The following CASZ1 variants were observed in gnomAD, a reference collection of about 807,000 sequenced individuals.
CASZ1 encodes zinc finger protein castor homolog 1.
A neutral mutation model predicts 135.2 loss-of-function variants in CASZ1; 28 were observed. The ratio of observed to expected loss-of-function variants is 0.21; its 90% CI spans 0.15 to 0.28. The LOEUF is 0.28. Ranked by LOEUF, CASZ1 falls within the 10% of genes least tolerant of loss-of-function variation. CASZ1 has a pLI of 1.00. For synonymous variants in CASZ1, 1,068 were observed against 1,073.4 expected (o/e 0.99, Z 0.10); for missense variants, 2,161 against 2,453.3 (o/e 0.88, Z 2.52).
At position 10,660,489 on chromosome 1, in the gene CASZ1, A is replaced by G; in HGVS notation, c.553T>C (p.Phe185Leu). 1.2e-6 allele frequency: 2 copies of G among 1,613,918 alleles called. No individual in the cohort carries two copies. Among genetic ancestry groups the G allele is most frequent in the Middle Eastern group, 1.6e-4 (1 of 6,062 alleles). Residue 185 changes from phenylalanine to leucine, a missense_variant, in exon 6 of 21, where the codon TTC becomes CTC. Physicochemically the swap from Phe to Leu is conservative, Grantham distance 22 (BLOSUM62 0). This residue lies in a region of CASZ1 where 590 missense variants were observed against 609.8 expected (regional missense o/e 0.97). Transcript: ENST00000377022. ...RDYAASTMTEFLGMFGYDDQN... is the reference protein window; with the variant it reads ...RDYAASTMTELLGMFGYDDQN... ...TCATCATAGCCAAACATGCCGAGGA[A>G]CTCGGTCATGGTGGAGGCCGCGTAG...
At chr1:10,715,006 G>T (rs1359595443) in intron 2 of CASZ1, among the ~76,000 whole-genome samples, 3 of 152,192 alleles carry the variant, frequency 2.0e-5, no homozygotes, top group Non-Finnish European at 4.4e-5. Flanking sequence ...GCCTAACCTT[G>T]GTCCAGGTTC....
At chr1:10,651,930 A>G (rs1026859124) in intron 11 of CASZ1, 1 of 152,210 alleles carries the variant, frequency 6.6e-6, no homozygotes, top group Non-Finnish European at 1.5e-5. Flanking sequence ...CACCGAGCCC[A>G]CGTGGCCCTG....
chr1:10,695,213 C>G (rs1638902982), intron 3 of CASZ1, among the ~76,000 whole-genome samples: 1 of 151,738 alleles, frequency 6.6e-6, no homozygotes, highest in African/African-American at 2.4e-5. Context: ...CCGCGCGCCC[C>G]CGCACCCCGC....
At chr1:10,737,637 G>T (rs1639825990) in intron 2 of CASZ1, among the ~76,000 whole-genome samples, 1 of 152,232 alleles carries the variant, frequency 6.6e-6, no homozygotes, top group South Asian at 2.1e-4. Flanking sequence ...GTAAGGGTTG[G>T]GGTCTGTGGG....
chr1:10,678,555 C>G (rs1326882782), intron 4 of CASZ1, among the ~76,000 whole-genome samples: 1 of 152,192 alleles, frequency 6.6e-6, no homozygotes, highest in Non-Finnish European at 1.5e-5. Context: ...CCCAGCTCCC[C>G]CACCCGTTCA....
chr1:10,644,431 C>T (rs1340122879), intron 18 of CASZ1, among the ~76,000 whole-genome samples: 2 of 152,228 alleles, frequency 1.3e-5, no homozygotes, highest in African/African-American at 4.8e-5. Flanking sequence ...CCACCCCCAC[C>T]CCTGTGACAG....
At chr1:10,673,961 G>A (rs763065527) in intron 4 of CASZ1, among the ~76,000 whole-genome samples, 1 of 152,242 alleles carries the variant, frequency 6.6e-6, no homozygotes, top group Non-Finnish European at 1.5e-5. Context: ...GCAAGTGCAG[G>A]CCTCTGTCAT....
chr1:10,716,775 G>A lies in CASZ1; in HGVS notation c.-76-11231C>T, dbSNP rs570132934. Among the ~76,000 whole-genome samples, 3 of 152,334 alleles carry A rather than the reference G, an allele frequency of 2.0e-5. No individual in the cohort carries two copies. In the South Asian group the frequency reaches 6.2e-4, roughly 32 times the overall value. ...GAATGCCACTAGTAGGCAGGGCCAGGCCACCTCCCTGGGCTGAGACCCGGC... is the reference window on the plus strand; with the variant it reads ...GAATGCCACTAGTAGGCAGGGCCAGACCACCTCCCTGGGCTGAGACCCGGC... On this transcript the variant is annotated intron_variant, in intron 2 of 20. Coordinates refer to ENST00000377022, the MANE Select transcript of CASZ1 (RefSeq NM_001079843.3).
Position 10,736,629 on chromosome 1 carries a change from C to T in CASZ1, c.-77+24072G>A, listed in dbSNP as rs151035991. Among the ~76,000 whole-genome samples the T allele has an allele frequency of 4.1e-4, 62 of 152,354 alleles. 1 individual carries two copies. Among genetic ancestry groups the T allele is most frequent in the African/African-American group, 1.3e-3 (56 of 41,584 alleles). On this transcript the variant is annotated intron_variant, in intron 2 of 20. Transcript: ENST00000377022. ...AAACACACAGGGCAGAGCGGAGATT[C>T]AAACCCAACTCTGAGTTCTCATTCA...
At position 10,773,636 on chromosome 1, in the gene CASZ1, G is replaced by A. The variant is rs1043590941; in HGVS notation, c.-233-12779C>T. Among the ~76,000 whole-genome samples, 7 of 152,126 alleles carry A rather than the reference G, an allele frequency of 4.6e-5. No individual in the cohort carries two copies. The South Asian group carries it at 1.0e-3, about 23-fold the overall frequency. On this transcript the variant is annotated intron_variant, in intron 1 of 20. Transcript: ENST00000377022. ...TTCTAGCTTCTCAGCATACTTGGCC[G>A]GGGGAACGCATGGACCAGGCAACGG...
rs554669546 is a variant in CASZ1 at position 10,794,170 on chromosome 1, T to C, written c.-234+2394A>G. Among the ~76,000 whole-genome samples the C allele has an allele frequency of 5.5e-5, 8 of 146,412 alleles. No individual in the cohort carries two copies. In the East Asian group the frequency reaches 6.8e-4, roughly 12 times the overall value. On this transcript the variant is annotated intron_variant, in intron 1 of 20. Coordinates refer to ENST00000377022, the MANE Select transcript of CASZ1 (RefSeq NM_001079843.3). The surrounding 1 kb of genome is among the most constrained non-coding windows in gnomAD (Gnocchi z 5.6). ...GCGCGTGTGTGTGCGTGTTTGTATGTGTATGCGTGTGTGTGTGTGTGTGTG... is the reference window on the plus strand; with the variant it reads ...GCGCGTGTGTGTGCGTGTTTGTATGCGTATGCGTGTGTGTGTGTGTGTGTG...
Position 10,637,458 on chromosome 1 carries a change from C to A in CASZ1, c.*1484G>T. On this transcript the variant is annotated 3_prime_UTR_variant, in exon 21 of 21. Coordinates refer to ENST00000377022, the MANE Select transcript of CASZ1 (RefSeq NM_001079843.3). Reference sequence around the variant, plus strand: ...AAAAAGGGAAAAGTAAACCACTGCCCCCCAGTTGAGCCAGGTTCCTCCTGG... The same window carrying A: ...AAAAAGGGAAAAGTAAACCACTGCCACCCAGTTGAGCCAGGTTCCTCCTGG... 1 of 152,592 alleles carries A rather than the reference C, an allele frequency of 6.6e-6. No individual in the cohort carries two copies. 9.5% of individuals were successfully genotyped at this position (152,592 alleles called of 1,614,324 possible). A position where few individuals can be genotyped will look rare whatever the true frequency, so the allele number is the denominator to read the frequency against.
chr1:10,757,743 G>A lies in CASZ1; in HGVS notation c.-77+2958C>T, dbSNP rs1194141667. ...GCGGAGGTTGCAGTGAGCCAAGATT[G>A]CACTGCTGCACTCCAGCCTGGGTGA... On this transcript the variant is annotated intron_variant, in intron 2 of 20. Transcript: ENST00000377022. This position sits in a 1 kb window ranked among gnomAD's most constrained non-coding sequence, Gnocchi z 4.6. 1.3e-5 allele frequency among the ~76,000 whole-genome samples: 2 copies of A among 152,294 alleles called. No individual in the cohort carries two copies. The highest frequency in any genetic ancestry group is 2.4e-5 in the African/African-American group (1 of 41,562).
chr1:10,676,369 G>A lies in CASZ1; in HGVS notation c.17-10798C>T, dbSNP rs1638223028. Among the ~76,000 whole-genome samples, 1 of 152,120 alleles carries A rather than the reference G, an allele frequency of 6.6e-6. No homozygotes were observed. The highest frequency in any genetic ancestry group is 1.5e-5 in the Non-Finnish European group (1 of 67,996). On this transcript the variant is annotated intron_variant, in intron 4 of 20. Transcript: ENST00000377022. The surrounding 1 kb of genome is among the most constrained non-coding windows in gnomAD (Gnocchi z 4.5). ...CACCCCTGTCCTTCCTCTCCAAGGA[G>A]AGCCACCACAGAAGCAAAGCTCTCA...
intron 2 of CASZ1, among the ~76,000 whole-genome samples, chr1:10,738,655 C>T (rs1027247387): frequency 7.2e-5 from 11 of 152,356 alleles, no homozygotes; most frequent in African/African-American, 2.6e-4. Flanking sequence ...TGGCCCTTTG[C>T]AGGGAGGACA....
rs372839245 is a variant in CASZ1, at chr1:10,653,593, C to T, written c.2464G>A (p.Gly822Ser). 2.1e-3 allele frequency: 3,273 copies of T among 1,558,448 alleles called. 89 individuals carry two copies. In the South Asian group the frequency reaches 0.037, roughly 18 times the overall value. Reference protein sequence around the residue: ...SLPVGTPSLLGAVSSGSAASA... With the variant: ...SLPVGTPSLLSAVSSGSAASA... The stretch of plus-strand genomic sequence containing the variant: ...GCTGCTGACCCAGACGACACGGCAC[C>T]CAGGAGGCTGGGGGTGCCCACAGGC... Residue 822 changes from glycine (G) to serine (S), a missense_variant, in exon 11 of 21, where the codon GGT becomes AGT. Gly to Ser is a moderately conservative substitution (Grantham distance 56, BLOSUM62 0). Transcript: ENST00000377022.
intron 4 of CASZ1, among the ~76,000 whole-genome samples, chr1:10,689,063 C>T (rs139832078): frequency 3.9e-5 from 6 of 152,124 alleles, no homozygotes; most frequent in East Asian, 1.9e-4. Context: ...CAGGGAAGGC[C>T]GTGTTAGAAG....
At chr1:10,738,796 A>G (rs1418892121) in intron 2 of CASZ1, among the ~76,000 whole-genome samples, 2 of 152,160 alleles carry the variant, frequency 1.3e-5, no homozygotes, top group Non-Finnish European at 2.9e-5. Flanking sequence ...CCACCATTTC[A>G]GTGATCTATA....
Position 10,777,522 on chromosome 1 carries a change from C to T in CASZ1, c.-233-16665G>A, listed in dbSNP as rs763117452. Among the ~76,000 whole-genome samples, 10 of 152,186 alleles carry T rather than the reference C, an allele frequency of 6.6e-5. No individual in the cohort carries two copies. The highest frequency in any genetic ancestry group is 1.0e-4 in the Non-Finnish European group (7 of 68,032). ...GCCTGGGGCAGGGGACCAAGTGATA[C>T]GCGAAAAACAGACGGAAGACCCCGT... On this transcript the variant is annotated intron_variant, in intron 1 of 20. Coordinates refer to ENST00000377022, the MANE Select transcript of CASZ1 (RefSeq NM_001079843.3). The surrounding 1 kb of genome is among the most constrained non-coding windows in gnomAD (Gnocchi z 4.4).
Sources: allele counts gnomAD v4.1 joint callset (sites outside exome capture counted in the v4.1 genomes callset), GRCh38; gene constraint gnomAD v4.1.1; regional missense constraint gnomAD v4.1.1; non-coding constraint Gnocchi (gnomAD v3.1); transcripts MANE v1.5; gene names NCBI Gene and HGNC (gene_info 2026-07-23, HGNC 2026-07-21).